Variants in LRRTM4 observed in about 807,000 individuals in gnomAD.
The protein encoded by LRRTM4 is leucine-rich repeat transmembrane neuronal protein 4.
Under a neutral mutation model 47.6 loss-of-function variants are expected in LRRTM4, and 25 were observed. The ratio of observed to expected loss-of-function variants is 0.53; its 90% CI spans 0.38 to 0.73. The LOEUF (loss-of-function observed/expected upper bound fraction) is 0.73. Ranked by LOEUF, LRRTM4 falls within the 30% of genes least tolerant of loss-of-function variation. The pLI is 0.00. For synonymous variants in LRRTM4, 311 were observed against 269.5 expected (o/e 1.15, Z -1.51); for missense variants, 638 against 713.4 (o/e 0.89, Z 1.20).
intron 3 of LRRTM4, among the ~76,000 whole-genome samples, chr2:77,192,128 CTG>C (rs1432487670): frequency 6.6e-6 from 1 of 152,002 alleles, no homozygotes; most frequent in African/African-American, 2.4e-5. Flanking sequence ...AATGCTGATT[CTG>C]TGTGTTCGTG....
chr2:77,423,076 T>C (rs867819804), intron 3 of LRRTM4, among the ~76,000 whole-genome samples: 50 of 152,248 alleles, frequency 3.3e-4, no homozygotes, highest in African/African-American at 1.2e-3. Flanking sequence ...AATTTCTTAG[T>C]GTTCTGCTTA....
chr2:76,896,033 A>T (rs10198513), intron 3 of LRRTM4, among the ~76,000 whole-genome samples: 2,231 of 152,224 alleles, frequency 0.015, 58 homozygotes, highest in African/African-American at 0.051. Flanking sequence ...TGTGCCAAGT[A>T]AAGTCTATGT....
At chr2:77,166,451 A>C (rs1225305459) in intron 3 of LRRTM4, among the ~76,000 whole-genome samples, 2 of 152,180 alleles carry the variant, frequency 1.3e-5, no homozygotes, top group Non-Finnish European at 2.9e-5. Context: ...GTTGGAAAAA[A>C]CTACTTTAAA....
chr2:77,204,083 C>T (rs1006312403), intron 3 of LRRTM4, among the ~76,000 whole-genome samples: 2 of 152,106 alleles, frequency 1.3e-5, no homozygotes, highest in Admixed American at 6.5e-5. Context: ...GCATAGGTCA[C>T]CCTTTGTCTA....
intron 3 of LRRTM4, among the ~76,000 whole-genome samples, chr2:76,935,571 C>T (rs144028017): frequency 0.024 from 3,721 of 152,186 alleles, 58 homozygotes; most frequent in Admixed American, 0.034. Flanking sequence ...CTTCACATCC[C>T]TTGTAAGTTG....
Position 77,518,705 on chromosome 2 carries a change from G to A in LRRTM4, c.1164C>T (p.Thr388=). 3 of 1,613,386 alleles carry A rather than the reference G, an allele frequency of 1.9e-6. No individual in the cohort carries two copies. In the East Asian group the frequency reaches 6.7e-5, roughly 36 times the overall value. The change falls in exon 3 of 4, where the codon ACC becomes ACT. Residue 388 remains threonine, a synonymous_variant. Coordinates refer to ENST00000409884, the MANE Select transcript of LRRTM4 (RefSeq NM_001134745.3). The part of the protein sequence containing the change: ...PQKPLIIPRP[T]IFKPDVTQST... ...ATTGGGTGACGTCAGGTTTGAAGAT[G>A]GTAGGTCTAGGGATAATCAGAGGTT...
At chr2:77,125,785 G>A (rs17406667) in intron 3 of LRRTM4, among the ~76,000 whole-genome samples, 1 of 151,656 alleles carries the variant, frequency 6.6e-6, no homozygotes, top group South Asian at 2.1e-4. Flanking sequence ...AAACAGTTGT[G>A]CATCATAAAA....
chr2:76,998,988 C>A (rs1178679361), intron 3 of LRRTM4, among the ~76,000 whole-genome samples: 1 of 141,130 alleles, frequency 7.1e-6, no homozygotes, highest in Admixed American at 7.0e-5. Flanking sequence ...TTTCTATTTC[C>A]TATCAGTCTA....
At chr2:77,479,661 T>A (rs968551812) in intron 3 of LRRTM4, among the ~76,000 whole-genome samples, 1 of 152,158 alleles carries the variant, frequency 6.6e-6, no homozygotes, top group Middle Eastern at 3.2e-3. Context: ...ATCCTGCCAA[T>A]TCTTTGTGGC....
intron 3 of LRRTM4, among the ~76,000 whole-genome samples, chr2:77,192,947 T>C (rs941198575): frequency 6.6e-6 from 1 of 152,216 alleles, no homozygotes; most frequent in African/African-American, 2.4e-5. Context: ...GCATTTTTTT[T>C]TCTTGTCTTT....
chr2:77,138,525 A>T (rs926553374), intron 3 of LRRTM4, among the ~76,000 whole-genome samples: 1 of 152,228 alleles, frequency 6.6e-6, no homozygotes, highest in Non-Finnish European at 1.5e-5. Flanking sequence ...AGCAGGAAAC[A>T]TCTAAAATTG....
intron 3 of LRRTM4, among the ~76,000 whole-genome samples, chr2:77,392,881 TCA>T (rs1033843107): frequency 1.3e-5 from 2 of 152,044 alleles, no homozygotes; most frequent in African/African-American, 4.8e-5. Flanking sequence ...AGTGTTCTCA[TCA>T]CACACAAAAA....
intron 3 of LRRTM4, among the ~76,000 whole-genome samples, chr2:77,262,763 G>A (rs965316046): frequency 2.0e-5 from 3 of 151,774 alleles, no homozygotes; most frequent in African/African-American, 7.3e-5. Flanking sequence ...ATATCACATC[G>A]TACCAAGAGT....
intron 3 of LRRTM4, among the ~76,000 whole-genome samples, chr2:77,341,676 T>A (rs1303029645): frequency 1.3e-5 from 2 of 152,034 alleles, no homozygotes; most frequent in Non-Finnish European, 2.9e-5. Flanking sequence ...CAATTTAGGT[T>A]AAATGCCGAG....
intron 3 of LRRTM4, among the ~76,000 whole-genome samples, chr2:76,996,855 T>C (rs1029673834): frequency 6.6e-6 from 1 of 152,118 alleles, no homozygotes; most frequent in African/African-American, 2.4e-5. Flanking sequence ...GTCATACCTA[T>C]TGCAATCTAT....
chr2:77,191,350 A>G (rs1327856613), intron 3 of LRRTM4, among the ~76,000 whole-genome samples: 1 of 152,116 alleles, frequency 6.6e-6, no homozygotes, highest in African/African-American at 2.4e-5. Context: ...ATGGAAATTT[A>G]TAAAATGTCA....
chr2:77,214,349 A>G (rs368857016), intron 3 of LRRTM4, among the ~76,000 whole-genome samples: 54 of 152,252 alleles, frequency 3.5e-4, no homozygotes, highest in African/African-American at 1.3e-3. Flanking sequence ...AAGGGATGAT[A>G]ACATTTCTGT....
chr2:76,878,769 G>A (rs1169684185), intron 3 of LRRTM4, among the ~76,000 whole-genome samples: 6 of 152,114 alleles, frequency 3.9e-5, no homozygotes, highest in Non-Finnish European at 7.4e-5. Flanking sequence ...AGCTACTTGG[G>A]AGGCTGAGGC....
intron 3 of LRRTM4, among the ~76,000 whole-genome samples, chr2:77,230,592 A>G (rs2119034): frequency 0.2 from 29,750 of 151,998 alleles, 5,574 homozygotes; most frequent in African/African-American, 0.48. Context: ...CTTTCCTAAA[A>G]CTTTTGTTGA....
Sources: allele counts gnomAD v4.1 joint callset (sites outside exome capture counted in the v4.1 genomes callset), GRCh38; gene constraint gnomAD v4.1.1; transcripts MANE v1.5; gene names NCBI Gene and HGNC (gene_info 2026-07-23, HGNC 2026-07-21).